Variants in CCDC73 observed in about 807,000 individuals in gnomAD.
The protein encoded by CCDC73 is coiled-coil domain-containing protein 73.
In CCDC73, 95 loss-of-function variants were observed where a neutral mutation model predicts 116.5. That is an observed-to-expected ratio of 0.82 (90% CI 0.69 to 0.97). CCDC73 has a LOEUF of 0.97. CCDC73 is among the 50% of genes least tolerant of loss of function. CCDC73 has a pLI of 0.00. For synonymous variants in CCDC73, 398 were observed against 401.3 expected (o/e 0.99, Z 0.10); for missense variants, 1,066 against 1,206.8 (o/e 0.88, Z 1.73).
intron 2 of CCDC73, among the ~76,000 whole-genome samples, chr11:32,731,182 C>A (rs1159604674): frequency 6.6e-6 from 1 of 152,200 alleles, no homozygotes. Flanking sequence ...ACTGCTAGCA[C>A]AGCAGTCTGA....
At chr11:32,823,758 T>G in the CCDC73 span, among the ~76,000 whole-genome samples, 3 of 152,086 alleles carry the variant, frequency 2.0e-5, no homozygotes, top group Non-Finnish European at 4.4e-5. Flanking sequence ...ATTTTTTTTT[T>G]AAACAGGATG....
intron 1 of CCDC73, among the ~76,000 whole-genome samples, chr11:32,774,638 C>T (rs1400958621): frequency 6.6e-6 from 1 of 151,846 alleles, no homozygotes; most frequent in African/African-American, 2.4e-5. Context: ...AGAAAAGAAA[C>T]AATGTGGACA....
chr11:32,665,698 A>G (rs1041724509), intron 9 of CCDC73, among the ~76,000 whole-genome samples: 8 of 152,182 alleles, frequency 5.3e-5, no homozygotes, highest in Non-Finnish European at 1.2e-4. Context: ...TGATTCTGTC[A>G]TTATGATGTT....
intron 12 of CCDC73, among the ~76,000 whole-genome samples, chr11:32,652,321 AG>A (rs1258637683): frequency 6.7e-6 from 1 of 148,722 alleles, no homozygotes; most frequent in African/African-American, 2.5e-5. Context: ...AAAAAAAGAA[AG>A]AAAGAAAAAC....
chr11:32,615,973 CT>C lies in CCDC73; in HGVS notation c.1341del (p.Glu448LysfsTer5), dbSNP rs747079826. ...DTEYREKEEK[K>X]EGSFIEEIII... ...ATTATTTCCTCTATAAATGAGCCTTCTTTTTTTTCTTCTTTTTCTCTGTATT... is the reference window on the plus strand; with the variant it reads ...ATTATTTCCTCTATAAATGAGCCTTCTTTTTTTCTTCTTTTTCTCTGTATT... On this transcript the variant is annotated frameshift_variant, in exon 15 of 18. Transcript: ENST00000335185. LOFTEE classifies it high-confidence loss of function. The C allele has an allele frequency of 3.8e-6, 6 of 1,582,208 alleles. No individual in the cohort carries two copies. Among genetic ancestry groups the C allele is most frequent in the Admixed American group, 3.5e-5 (2 of 56,766 alleles).
intron 1 of CCDC73, among the ~76,000 whole-genome samples, chr11:32,785,563 A>G (rs1565101296): frequency 6.6e-6 from 1 of 151,870 alleles, no homozygotes; most frequent in Admixed American, 6.6e-5. Flanking sequence ...CACCATACCC[A>G]GTGAATTTTT....
At chr11:32,734,884 T>C (rs1192338817) in intron 2 of CCDC73, among the ~76,000 whole-genome samples, 1 of 152,152 alleles carries the variant, frequency 6.6e-6, no homozygotes, top group African/African-American at 2.4e-5. Flanking sequence ...TCATTAAACA[T>C]AATCCAAGAT....
At chr11:32,631,145 C>T (rs929560054) in intron 14 of CCDC73, among the ~76,000 whole-genome samples, 10 of 152,198 alleles carry the variant, frequency 6.6e-5, no homozygotes, top group African/African-American at 9.6e-5. Flanking sequence ...AAGATTTCAA[C>T]ATTCTTCTCC....
chr11:32,759,472 A>G (rs1850372344), intron 2 of CCDC73, among the ~76,000 whole-genome samples: 1 of 151,888 alleles, frequency 6.6e-6, no homozygotes, highest in Non-Finnish European at 1.5e-5. Flanking sequence ...CTGGGACTAC[A>G]AGCATGCGCC....
chr11:32,766,257 G>A (rs898180654), intron 1 of CCDC73, among the ~76,000 whole-genome samples: 4 of 152,052 alleles, frequency 2.6e-5, no homozygotes, highest in Non-Finnish European at 5.9e-5. Flanking sequence ...AAATTCAACA[G>A]CCCTTCATGC....
intron 1 of CCDC73, among the ~76,000 whole-genome samples, chr11:32,772,388 A>G (rs2419763): frequency 0.75 from 114,045 of 151,260 alleles, 43,121 homozygotes; most frequent in East Asian, 0.93. Flanking sequence ...ACAACAAAAA[A>G]AAATGACTAC....
intron 7 of CCDC73, among the ~76,000 whole-genome samples, chr11:32,677,907 G>A (rs1266325690): frequency 6.7e-5 from 9 of 134,330 alleles, no homozygotes; most frequent in African/African-American, 1.4e-4. Context: ...AACCAAGATC[G>A]TGACACTGCA....
At chr11:32,771,896 T>TG (rs760451727) in intron 1 of CCDC73, among the ~76,000 whole-genome samples, 1 of 152,208 alleles carries the variant, frequency 6.6e-6, no homozygotes, top group Non-Finnish European at 1.5e-5. Context: ...TTGAAGTCTT[T>TG]GCTCTTTGAA....
At chr11:32,625,553 G>A (rs1006743319) in intron 14 of CCDC73, among the ~76,000 whole-genome samples, 10 of 152,018 alleles carry the variant, frequency 6.6e-5, no homozygotes, top group African/African-American at 9.7e-5. Flanking sequence ...TAGTTTGGCT[G>A]GATATGAAAT....
At chr11:32,639,161 C>T (rs1219428024) in intron 13 of CCDC73, among the ~76,000 whole-genome samples, 1 of 149,814 alleles carries the variant, frequency 6.7e-6, no homozygotes, top group East Asian at 2.0e-4. Context: ...CGACACCCCC[C>T]CCAAAAAATC....
At chr11:32,763,580 A>G (rs2133380001) in intron 1 of CCDC73, among the ~76,000 whole-genome samples, 1 of 152,334 alleles carries the variant, frequency 6.6e-6, no homozygotes, top group East Asian at 1.9e-4. Context: ...AAACTAACAA[A>G]CAGAAAGGAC....
At chr11:32,638,428 C>T (rs1333303911) in intron 13 of CCDC73, among the ~76,000 whole-genome samples, 1 of 152,152 alleles carries the variant, frequency 6.6e-6, no homozygotes, top group Non-Finnish European at 1.5e-5. Context: ...GCAGACTATT[C>T]ATGGTCCTTG....
At chr11:32,705,334 C>A (rs180814768) in intron 3 of CCDC73, among the ~76,000 whole-genome samples, 22 of 152,330 alleles carry the variant, frequency 1.4e-4, no homozygotes, top group South Asian at 1.0e-3. Context: ...GTAACACCCT[C>A]TTTTGGGCTC....
chr11:32,611,413 T>A (rs1191711436), intron 16 of CCDC73, 148 bp from the exon 17 acceptor site: 6 of 672,664 alleles, frequency 8.9e-6, no homozygotes, highest in Non-Finnish European at 1.2e-5. Context: ...TGTCCTAGAC[T>A]TTGCTCTTAA....
Sources: allele counts gnomAD v4.1 joint callset (sites outside exome capture counted in the v4.1 genomes callset), GRCh38; gene constraint gnomAD v4.1.1; transcripts MANE v1.5; gene names NCBI Gene and HGNC (gene_info 2026-07-23, HGNC 2026-07-21).